Variants in ZNF845 observed in about 807,000 individuals in gnomAD.
The protein encoded by ZNF845 is zinc finger protein 845.
A neutral mutation model predicts 76.1 loss-of-function variants in ZNF845; 59 were observed. The ratio of observed to expected loss-of-function variants is 0.78; its 90% CI spans 0.63 to 0.96. The LOEUF is 0.96. ZNF845 is among the 40% of genes least tolerant of loss of function. The pLI is 0.00. For synonymous variants in ZNF845, 361 were observed against 386.9 expected, an observed-to-expected ratio of 0.93 and a Z score of 0.78; for missense variants, 1,045 against 1,172.8, an observed-to-expected ratio of 0.89 and a Z score of 1.59.
At chr19:53,344,241 T>C (rs1053625624) in intron 2 of ZNF845, among the ~76,000 whole-genome samples, 2 of 152,282 alleles carry the variant, frequency 1.3e-5, no homozygotes, top group African/African-American at 4.8e-5. Flanking sequence ...ACTTGCATTG[T>C]CAGTAAAAGT....
At chr19:53,338,694 G>GCACA (rs57616883) in intron 1 of ZNF845, among the ~76,000 whole-genome samples, 114 of 140,442 alleles carry the variant, frequency 8.1e-4, no homozygotes, top group Middle Eastern at 3.7e-3. Flanking sequence ...CAACACGTGA[G>GCACA]CACACACACA....
intron 1 of ZNF845, among the ~76,000 whole-genome samples, chr19:53,335,499 G>A (rs1369716276): frequency 2.0e-5 from 3 of 152,044 alleles, no homozygotes; most frequent in African/African-American, 7.2e-5. Flanking sequence ...GGCCTCAAAG[G>A]ATCGTCCTGC....
intron 1 of ZNF845, among the ~76,000 whole-genome samples, chr19:53,336,492 A>G (rs2085214455): frequency 1.3e-5 from 2 of 152,182 alleles, no homozygotes; most frequent in Non-Finnish European, 2.9e-5. Flanking sequence ...CCTGGGGGGC[A>G]GAGCGAGGCT....
Position 53,354,898 on chromosome 19 carries a change from C to T in ZNF845, c.*1310C>T, listed in dbSNP as rs1040681326. The T allele has an allele frequency of 6.6e-6, 1 of 151,038 alleles. No homozygotes were observed. The highest frequency in any genetic ancestry group is 1.5e-5 in the Non-Finnish European group (1 of 67,816). 9.4% of individuals were successfully genotyped at this position (151,038 alleles called of 1,614,324 possible). A position where few individuals can be genotyped will look rare whatever the true frequency, so the allele number is the denominator to read the frequency against. The stretch of plus-strand genomic sequence containing the variant: ...GATTTTCTTTCTTTTTTTTTTGAGA[C>T]AGTCTCACTCTGTTACCCAGGCTCT... On this transcript the variant is annotated 3_prime_UTR_variant, in exon 4 of 4. Coordinates refer to ENST00000458035, the MANE Select transcript of ZNF845 (RefSeq NM_138374.3).
Position 53,352,535 on chromosome 19 carries a change from A to G in ZNF845, c.1860A>G (p.Ser620=), listed in dbSNP as rs778572481. Residue 620 remains serine, a synonymous_variant, in exon 4 of 4, where the codon TCA becomes TCG. Coordinates refer to ENST00000458035, the MANE Select transcript of ZNF845 (RefSeq NM_138374.3). ...NRCGKFFRHR[S]YLAVHWRTHS... is the part of the protein sequence containing the mutation. ...GTGGCAAATTTTTCAGACATCGTTC[A>G]TACCTTGCAGTTCATTGGCGAACTC... 1.9e-6 allele frequency: 3 copies of G among 1,607,480 alleles called. No homozygotes were observed. The highest frequency in any genetic ancestry group is 1.7e-6 in the Non-Finnish European group (2 of 1,176,576).
rs904838603 is a variant in ZNF845, at chr19:53,355,408, C to G, written c.*1820C>G. ...TACAGGCGCATGTCACCACACCTAG[C>G]TAATTTATTTATTTTTTTTATTTTA... is the stretch of plus-strand genomic sequence containing the variant. On this transcript the variant is annotated 3_prime_UTR_variant, in exon 4 of 4. Transcript: ENST00000458035. The G allele has an allele frequency of 6.6e-5, 10 of 151,716 alleles. No individual in the cohort carries two copies. Among genetic ancestry groups the G allele is most frequent in the Admixed American group, 6.6e-4 (10 of 15,252 alleles). The allele number at this position is 151,716 out of a possible 1,614,324, so 9.4% of individuals were successfully genotyped here.
Position 53,352,820 on chromosome 19 carries a change from A to T in ZNF845, c.2145A>T (p.Gly715=), listed in dbSNP as rs756760015. Residue 715 remains glycine (G), a synonymous_variant, in exon 4 of 4, where the codon GGA becomes GGT. Coordinates refer to ENST00000458035, the MANE Select transcript of ZNF845 (RefSeq NM_138374.3). ...ALIIHKAIHT[G]EKPYKCNECG... ...TAATTCACAAGGCAATTCATACTGG[A>T]GAGAAACCTTACAAGTGTAATGAGT... The T allele has an allele frequency of 1.2e-6, 2 of 1,614,138 alleles. No individual in the cohort carries two copies. Among genetic ancestry groups the T allele is most frequent in the East Asian group, 4.5e-5 (2 of 44,866 alleles).
At position 53,345,334 on chromosome 19, in the gene ZNF845, A is replaced by C. The variant is rs543919566; in HGVS notation, c.16-172A>C. On this transcript the variant is annotated intron_variant, in intron 2 of 3. Coordinates refer to ENST00000458035, the MANE Select transcript of ZNF845 (RefSeq NM_138374.3). Reference sequence around the variant, plus strand: ...CCGTCTCAAAAAGAAAAAAAAAAAGAAGTGTAATAAAACACAACTCAGAAG... The same window carrying C: ...CCGTCTCAAAAAGAAAAAAAAAAAGCAGTGTAATAAAACACAACTCAGAAG... 1.4e-4 allele frequency among the ~76,000 whole-genome samples: 21 copies of C among 151,932 alleles called. 1 individual carries two copies. In the South Asian group the frequency reaches 4.2e-3, roughly 30 times the overall value.
intron 3 of ZNF845, among the ~76,000 whole-genome samples, chr19:53,345,873 AGTT>A (rs746858230): frequency 1.4e-4 from 17 of 122,550 alleles, no homozygotes; most frequent in East Asian, 2.3e-4. Flanking sequence ...TTTTTTTTGT[AGTT>A]GTTGTTTTTG....
rs368740048 is a variant in ZNF845, at chr19:53,351,443, A to G, written c.768A>G (p.Arg256=). 1.9e-6 allele frequency: 3 copies of G among 1,614,104 alleles called. No homozygotes were observed. The highest frequency in any genetic ancestry group is 1.1e-5 in the South Asian group (1 of 91,088). Residue 256 remains arginine (R), a synonymous_variant, in exon 4 of 4, where the codon CGA becomes CGG. Transcript: ENST00000458035. ...DVCGKVFNQK[R]YLACHRRCHT... is the part of the protein sequence containing the mutation. ...GTGGCAAGGTCTTTAATCAAAAGCG[A>G]TATCTTGCATGTCATCGTAGATGTC...
At chr19:53,339,490 C>T (rs958150873) in intron 1 of ZNF845, among the ~76,000 whole-genome samples, 22 of 152,272 alleles carry the variant, frequency 1.4e-4, no homozygotes, top group African/African-American at 4.6e-4. Context: ...CCTTCGTGTC[C>T]GCTGTTCTGT....
In ZNF845 at chr19:53,351,920, T is replaced by C; in HGVS notation, c.1245T>C (p.Asp415=). ...HTGEKPYKCN[D]CGKTFSQMSS... ...GAGAGAAACCTTATAAGTGTAATGA[T>C]TGTGGCAAGACCTTCAGTCAGATGT... is the stretch of plus-strand genomic sequence containing the variant. The change falls in exon 4 of 4, where the codon GAT becomes GAC. Residue 415 remains aspartate, a synonymous_variant. Transcript: ENST00000458035. 5.0e-6 allele frequency: 8 copies of C among 1,601,856 alleles called. No individual in the cohort carries two copies. The highest frequency in any genetic ancestry group is 6.8e-6 in the Non-Finnish European group (8 of 1,175,716).
Position 53,354,040 on chromosome 19 carries a change from T to A in ZNF845, c.*452T>A. On this transcript the variant is annotated 3_prime_UTR_variant, in exon 4 of 4. Transcript: ENST00000458035. ...ATTGTGGCAAGGTCTTCAGTCTAGC[T>A]TCATCTTATGCAAAACAGGAGACTT... 1 of 478,672 alleles carries A rather than the reference T, an allele frequency of 2.1e-6. No individual in the cohort carries two copies. The highest frequency in any genetic ancestry group is 4.0e-6 in the Non-Finnish European group (1 of 251,856). 29.7% of individuals were successfully genotyped at this position (478,672 alleles called of 1,614,324 possible). A position where few individuals can be genotyped will look rare whatever the true frequency, so the allele number is the denominator to read the frequency against.
In ZNF845 at chr19:53,351,118, T is replaced by C; in HGVS notation, c.443T>C (p.Leu148Pro). 6.2e-7 allele frequency: 1 copy of C among 1,614,232 alleles called. No individual in the cohort carries two copies. The highest frequency in any genetic ancestry group is 8.5e-7 in the Non-Finnish European group (1 of 1,180,038). The change falls in exon 4 of 4, where the codon CTG becomes CCG. Residue 148 changes from leucine (L) to proline (P), a missense_variant. Physicochemically the swap from Leu to Pro is moderately conservative, Grantham distance 98. Transcript: ENST00000458035. ...CTTGGATCAAGCTTTCATTCGCATCTGCCTGAACTCCACATGTTTCAGACC... is the reference window on the plus strand; with the variant it reads ...CTTGGATCAAGCTTTCATTCGCATCCGCCTGAACTCCACATGTTTCAGACC... ...DQLGSSFHSH[L>P]PELHMFQTEG...
chr19:53,338,809 G>A (rs1412249180), intron 1 of ZNF845, among the ~76,000 whole-genome samples: 3 of 152,002 alleles, frequency 2.0e-5, no homozygotes, highest in Non-Finnish European at 4.4e-5. Flanking sequence ...GGCCGTGTGT[G>A]GTGGCTCACG....
intron 3 of ZNF845, among the ~76,000 whole-genome samples, chr19:53,348,998 A>G (rs949234195): frequency 6.6e-6 from 1 of 150,668 alleles, no homozygotes; most frequent in African/African-American, 2.4e-5. Context: ...TTGGGATTAC[A>G]GGCTCCCGCC....
At chr19:53,345,921 G>A (rs1411593820) in intron 3 of ZNF845, among the ~76,000 whole-genome samples, 1 of 148,428 alleles carries the variant, frequency 6.7e-6, no homozygotes, top group Non-Finnish European at 1.5e-5. Flanking sequence ...CTGTGTTGTT[G>A]AAGCTGGTCT....
chr19:53,343,500 C>T lies in ZNF845; in HGVS notation c.16-2006C>T, dbSNP rs183245678. Reference sequence around the variant, plus strand: ...TTTCTTAGATCTGACAAGATTCCCCCCTGCCCCCACCTGCCAATGTATCCT... The same window carrying T: ...TTTCTTAGATCTGACAAGATTCCCCTCTGCCCCCACCTGCCAATGTATCCT... On this transcript the variant is annotated intron_variant, in intron 2 of 3. Transcript: ENST00000458035. 3.0e-3 allele frequency among the ~76,000 whole-genome samples: 462 copies of T among 152,250 alleles called. 8 individuals carry two copies. Among genetic ancestry groups the T allele is most frequent in the African/African-American group, 0.01 (429 of 41,526 alleles).
chr19:53,345,754 C>T (rs2085290944), intron 3 of ZNF845, 122 bp downstream of exon 3: 2 of 1,525,968 alleles, frequency 1.3e-6, no homozygotes, highest in Non-Finnish European at 1.7e-6. Flanking sequence ...GTGATCATGT[C>T]TTACTGCAAT....
Sources: gnomAD v4.1 joint callset for allele counts (sites outside exome capture counted in the v4.1 genomes callset) on GRCh38, gnomAD v4.1.1 for gene constraint, MANE v1.5 for transcripts, NCBI Gene and HGNC (gene_info 2026-07-23, HGNC 2026-07-21) for gene names.